Variants in MIPEP observed in about 807,000 individuals in gnomAD.
MIPEP encodes the protein mitochondrial intermediate peptidase.
MIPEP carries 79 observed loss-of-function variants against 90.3 expected under a neutral mutation model. That is an observed-to-expected ratio of 0.87 (90% CI 0.73 to 1.05). The LOEUF is 1.05. Ranked by LOEUF, MIPEP falls within the 50% of genes least tolerant of loss-of-function variation. The pLI, the probability that MIPEP is intolerant of heterozygous loss-of-function variation, is 0.00. For missense variants in MIPEP, 940 were observed against 905.6 expected (o/e 1.04, Z -0.49); for synonymous variants, 334 against 315.8 (o/e 1.06, Z -0.61).
intron 18 of MIPEP, among the ~76,000 whole-genome samples, chr13:23,732,761 G>A (rs1303076138): frequency 2.0e-5 from 3 of 152,226 alleles, no homozygotes; most frequent in Non-Finnish European, 4.4e-5. Flanking sequence ...GCTTTCGGGA[G>A]TGGATATTAG....
chr13:23,789,160 T>C (rs1013498993), intron 16 of MIPEP, among the ~76,000 whole-genome samples: 2 of 151,102 alleles, frequency 1.3e-5, no homozygotes, highest in Non-Finnish European at 2.9e-5. Flanking sequence ...TTTATTTGTA[T>C]GAGCTCTTTA....
chr13:23,747,553 A>C, intron 18 of MIPEP: 1 of 513,004 alleles, frequency 1.9e-6, no homozygotes, highest in South Asian at 1.4e-5. Flanking sequence ...GGATAGGAGT[A>C]AGAGAACAGC....
intron 14 of MIPEP, among the ~76,000 whole-genome samples, chr13:23,812,302 A>G (rs1016431829): frequency 5.9e-5 from 9 of 152,224 alleles, no homozygotes; most frequent in African/African-American, 2.2e-4. Flanking sequence ...TAACTAGACA[A>G]GAGAAGGATG....
Position 23,792,526 on chromosome 13 carries a change from C to T in MIPEP, c.1848+13424G>A, listed in dbSNP as rs180919825. On this transcript the variant is annotated intron_variant, in intron 16 of 18. Transcript: ENST00000382172. ...TCCCAAGTAGCTGGGACTACAGGTGCGTGCCACCATGCCCAGATAATTTTT... is the reference window on the plus strand; with the variant it reads ...TCCCAAGTAGCTGGGACTACAGGTGTGTGCCACCATGCCCAGATAATTTTT... Among the ~76,000 whole-genome samples, 18 of 152,230 alleles carry T rather than the reference C, an allele frequency of 1.2e-4. No homozygotes were observed. In the East Asian group the frequency reaches 2.7e-3, roughly 23 times the overall value.
intron 18 of MIPEP, among the ~76,000 whole-genome samples, chr13:23,735,865 C>T (rs1952257243): frequency 1.3e-5 from 2 of 151,056 alleles, no homozygotes; most frequent in South Asian, 2.1e-4. Flanking sequence ...AAATGTTCTG[C>T]GAGTGTTAAC....
chr13:23,750,768 T>C (rs547253155), intron 18 of MIPEP, among the ~76,000 whole-genome samples: 11 of 152,256 alleles, frequency 7.2e-5, no homozygotes, highest in Non-Finnish European at 1.3e-4. Flanking sequence ...TCTATTCATT[T>C]AATCATTTAT....
chr13:23,774,241 A>C (rs9553060), intron 16 of MIPEP, among the ~76,000 whole-genome samples: 32,023 of 151,476 alleles, frequency 0.21, 4,009 homozygotes, highest in East Asian at 0.43. Flanking sequence ...TTTTTTCTGG[A>C]ATCTCAGTTG....
chr13:23,830,709 A>G (rs1039014288), intron 14 of MIPEP, among the ~76,000 whole-genome samples: 12 of 152,168 alleles, frequency 7.9e-5, no homozygotes, highest in African/African-American at 2.9e-4. Flanking sequence ...TTTACATGGT[A>G]TCCTTCAAAT....
intron 7 of MIPEP, among the ~76,000 whole-genome samples, chr13:23,867,131 G>A (rs1483998665): frequency 1.3e-5 from 2 of 152,022 alleles, no homozygotes; most frequent in East Asian, 1.9e-4. Flanking sequence ...CATTAGCACT[G>A]GAGTCAGATC....
intron 15 of MIPEP, among the ~76,000 whole-genome samples, chr13:23,807,822 C>G (rs138828376): frequency 6.6e-5 from 10 of 151,992 alleles, no homozygotes; most frequent in Non-Finnish European, 1.2e-4. Context: ...TTCAATTATG[C>G]CTTTTACAAA....
At chr13:23,784,294 A>C (rs1952812153) in intron 16 of MIPEP, among the ~76,000 whole-genome samples, 1 of 152,214 alleles carries the variant, frequency 6.6e-6, no homozygotes, top group African/African-American at 2.4e-5. Context: ...ACAGAGATAT[A>C]GACCAATGGA....
intron 18 of MIPEP, among the ~76,000 whole-genome samples, chr13:23,755,987 T>C (rs1952487399): frequency 6.6e-6 from 1 of 151,790 alleles, no homozygotes; most frequent in Non-Finnish European, 1.5e-5. Flanking sequence ...TTATGACAAA[T>C]AAAAAATTTT....
intron 2 of MIPEP, among the ~76,000 whole-genome samples, chr13:23,882,218 C>G (rs1191794506): frequency 6.6e-6 from 1 of 152,090 alleles, no homozygotes; most frequent in Non-Finnish European, 1.5e-5. Flanking sequence ...TACAGGTGCC[C>G]ACCACCACGC....
At chr13:23,870,281 TCAA>T in intron 5 of MIPEP, 86 bp from the exon 6 acceptor site, 1 of 814,564 alleles carries the variant, frequency 1.2e-6, no homozygotes, top group South Asian at 3.5e-5. Flanking sequence ...ATATGTCAAA[TCAA>T]CATATATATT....
At chr13:23,755,309 T>C (rs1952480496) in intron 18 of MIPEP, among the ~76,000 whole-genome samples, 1 of 152,224 alleles carries the variant, frequency 6.6e-6, no homozygotes, top group Non-Finnish European at 1.5e-5. Flanking sequence ...TAATTAGCAC[T>C]TCACAAATAT....
At chr13:23,740,569 G>A (rs1374271496) in intron 18 of MIPEP, among the ~76,000 whole-genome samples, 2 of 152,006 alleles carry the variant, frequency 1.3e-5, no homozygotes, top group African/African-American at 4.8e-5. Flanking sequence ...AGGGAACACT[G>A]ATCTTTTTGT....
chr13:23,731,670 C>A (rs1244983686), intron 18 of MIPEP, among the ~76,000 whole-genome samples: 2 of 152,076 alleles, frequency 1.3e-5, no homozygotes, highest in African/African-American at 4.8e-5. Context: ...TGAAAAGAAA[C>A]CATTAAGCCA....
chr13:23,812,341 C>G (rs143927069), intron 14 of MIPEP, among the ~76,000 whole-genome samples: 227 of 152,034 alleles, frequency 1.5e-3, no homozygotes, highest in African/African-American at 5.1e-3. Context: ...GCATTTCAGG[C>G]AGAAGAAACA....
chr13:23,854,407 T>C (rs1869959739), intron 10 of MIPEP, among the ~76,000 whole-genome samples: 1 of 152,078 alleles, frequency 6.6e-6, no homozygotes. Flanking sequence ...TCACTAATCC[T>C]ATACTAACAA....
Sources: gnomAD v4.1 joint callset for allele counts (sites outside exome capture counted in the v4.1 genomes callset) on GRCh38, gnomAD v4.1.1 for gene constraint, MANE v1.5 for transcripts, NCBI Gene and HGNC (gene_info 2026-07-23, HGNC 2026-07-21) for gene names.